The following TXNRD1 variants were observed in gnomAD, a reference collection of about 807,000 sequenced individuals.
The protein encoded by TXNRD1 is thioredoxin reductase 1.
Under a neutral mutation model 80.3 loss-of-function variants are expected in TXNRD1, and 57 were observed. That is an observed-to-expected ratio of 0.71 (90% CI 0.57 to 0.89). The LOEUF (loss-of-function observed/expected upper bound fraction) is 0.89, where lower values mean the gene tolerates loss of function less well. Ranked by LOEUF, TXNRD1 falls within the 40% of genes least tolerant of loss-of-function variation. The pLI is 0.00. For missense variants in TXNRD1, 730 were observed against 803.0 expected, an observed-to-expected ratio of 0.91 and a Z score of 1.10; for synonymous variants, 291 against 285.2, an observed-to-expected ratio of 1.02 and a Z score of -0.20.
chr12:104,330,434 A>G (rs1006319503), intron 13 of TXNRD1, among the ~76,000 whole-genome samples: 8 of 152,180 alleles, frequency 5.3e-5, no homozygotes, highest in African/African-American at 1.9e-4. Flanking sequence ...TCCCCTTGTC[A>G]TCTATACCTG....
chr12:104,245,181 A>G (rs1165749404), intron 1 of TXNRD1, among the ~76,000 whole-genome samples: 2 of 150,724 alleles, frequency 1.3e-5, no homozygotes, highest in Non-Finnish European at 2.9e-5. Flanking sequence ...TCATTATTTT[A>G]GATTTTTTTT....
At chr12:104,342,196 G>A (rs2036349591) in intron 16 of TXNRD1, among the ~76,000 whole-genome samples, 1 of 152,122 alleles carries the variant, frequency 6.6e-6, no homozygotes, top group African/African-American at 2.4e-5. Flanking sequence ...AGATGTAGGG[G>A]ACCAGAACTG....
intron 1 of TXNRD1, among the ~76,000 whole-genome samples, chr12:104,238,705 A>G (rs2032791753): frequency 6.6e-6 from 1 of 152,198 alleles, no homozygotes; most frequent in Non-Finnish European, 1.5e-5. Context: ...CATATGTTTA[A>G]TCAACCTGTG....
intron 4 of TXNRD1, among the ~76,000 whole-genome samples, chr12:104,307,797 T>G: frequency 6.6e-6 from 1 of 152,120 alleles, no homozygotes; most frequent in Non-Finnish European, 1.5e-5. Flanking sequence ...TAGGAGTGGG[T>G]CTGGGGAAAG....
chr12:104,335,011 A>G (rs1479997691), intron 15 of TXNRD1, among the ~76,000 whole-genome samples: 2 of 152,210 alleles, frequency 1.3e-5, no homozygotes, highest in African/African-American at 4.8e-5. Context: ...CTACTAAGAA[A>G]GAGCTCTTAA....
At chr12:104,266,921 C>T (rs992229547) in intron 3 of TXNRD1, among the ~76,000 whole-genome samples, 2 of 151,882 alleles carry the variant, frequency 1.3e-5, no homozygotes, top group African/African-American at 4.8e-5. Context: ...AAGATCGAGC[C>T]ACTGCACTCC....
At chr12:104,272,525 T>C (rs2033672328) in intron 3 of TXNRD1, among the ~76,000 whole-genome samples, 1 of 152,182 alleles carries the variant, frequency 6.6e-6, no homozygotes, top group African/African-American at 2.4e-5. Context: ...CCCGGCGCTG[T>C]GGCTCACGCC....
chr12:104,250,717 A>G (rs1019114267), intron 1 of TXNRD1, among the ~76,000 whole-genome samples: 1 of 152,248 alleles, frequency 6.6e-6, no homozygotes, highest in Non-Finnish European at 1.5e-5. Context: ...AGGAGATTGA[A>G]GAAGGATGAA....
chr12:104,309,440 A>G (rs1349038074), intron 4 of TXNRD1, among the ~76,000 whole-genome samples: 4 of 152,230 alleles, frequency 2.6e-5, no homozygotes, highest in South Asian at 2.1e-4. Context: ...ACTTTTCAGC[A>G]TGAGGATACA....
Position 104,327,487 on chromosome 12 carries a change from GA to G in TXNRD1, c.1386-27del, listed in dbSNP as rs756717407. On this transcript the variant is annotated intron_variant, in intron 12 of 16. Coordinates refer to ENST00000525566, the MANE Select transcript of TXNRD1 (RefSeq NM_001093771.3). The stretch of plus-strand genomic sequence containing the variant: ...TCCTTAATTAATAATGGTAATTAAT[GA>G]TGATTTTTAACTGAATAAAATTGCA... The G allele has an allele frequency of 3.8e-6, 6 of 1,587,188 alleles. No homozygotes were observed. In the Admixed American group the frequency reaches 1.1e-4, roughly 28 times the overall value.
intron 4 of TXNRD1, chr12:104,305,128 A>G: frequency 1.9e-6 from 1 of 539,260 alleles, no homozygotes; most frequent in South Asian, 4.9e-5. Context: ...ATTAAAACAA[A>G]TTCACTGGCA....
intron 9 of TXNRD1, among the ~76,000 whole-genome samples, chr12:104,320,480 T>C (rs1425123334): frequency 6.6e-6 from 1 of 152,154 alleles, no homozygotes; most frequent in Non-Finnish European, 1.5e-5. Context: ...AATGTGTGCA[T>C]TTTGGGGATA....
chr12:104,273,692 C>G (rs902557148), intron 3 of TXNRD1, among the ~76,000 whole-genome samples: 2 of 152,258 alleles, frequency 1.3e-5, no homozygotes, highest in Non-Finnish European at 2.9e-5. Flanking sequence ...CCGCCCCGAC[C>G]TGCGCGTGGC....
intron 1 of TXNRD1, among the ~76,000 whole-genome samples, chr12:104,221,596 G>T (rs1210376302): frequency 6.6e-6 from 1 of 152,166 alleles, no homozygotes; most frequent in Non-Finnish European, 1.5e-5. Flanking sequence ...GAGATTATAG[G>T]CATGAGCCAC....
chr12:104,311,482 G>T, intron 5 of TXNRD1, 70 bp downstream of exon 5: 3 of 1,552,162 alleles, frequency 1.9e-6, no homozygotes, highest in East Asian at 2.3e-5. Context: ...CCCTGACAGG[G>T]TTCTCTCCTC....
In TXNRD1 at chr12:104,299,117, C is replaced by G. The variant is rs2034528687; in HGVS notation, c.414+10077C>G. Among the ~76,000 whole-genome samples the G allele has an allele frequency of 2.0e-5, 3 of 152,182 alleles. No homozygotes were observed. In the South Asian group the frequency reaches 6.2e-4, roughly 32 times the overall value. ...ACAGTATTTATTTCTTTATTTCTCA[C>G]AAGCTTTTTCCTCTTTAAGGAGCAG... is the stretch of plus-strand genomic sequence containing the variant. On this transcript the variant is annotated intron_variant, in intron 4 of 16. Coordinates refer to ENST00000525566, the MANE Select transcript of TXNRD1 (RefSeq NM_001093771.3).
intron 3 of TXNRD1, chr12:104,288,668 T>A (rs992935129): frequency 3.5e-6 from 4 of 1,132,520 alleles, no homozygotes; most frequent in Admixed American, 3.2e-5. Flanking sequence ...GATTTAACCC[T>A]GACTAGAACT....
intron 3 of TXNRD1, among the ~76,000 whole-genome samples, chr12:104,275,923 T>G (rs1293011363): frequency 6.6e-6 from 1 of 152,126 alleles, no homozygotes; most frequent in East Asian, 1.9e-4. Context: ...GTGTAGATAC[T>G]GTATTTATCA....
intron 4 of TXNRD1, among the ~76,000 whole-genome samples, chr12:104,307,763 G>A (rs1351206261): frequency 6.6e-6 from 1 of 152,122 alleles, no homozygotes; most frequent in Non-Finnish European, 1.5e-5. Flanking sequence ...GCCCTTTTTG[G>A]GGGAGCCTGG....
Sources: allele counts gnomAD v4.1 joint callset (sites outside exome capture counted in the v4.1 genomes callset), GRCh38; gene constraint gnomAD v4.1.1; transcripts MANE v1.5; gene names NCBI Gene and HGNC (gene_info 2026-07-23, HGNC 2026-07-21).